KAZN: variants seen among roughly 807,000 people sequenced by gnomAD.
The protein encoded by KAZN is kazrin, periplakin interacting protein, also known as kazrin.
Under a neutral mutation model 87.4 loss-of-function variants are expected in KAZN, and 40 were observed. The ratio of observed to expected loss-of-function variants is 0.46; its 90% confidence interval spans 0.36 to 0.60. The LOEUF is 0.60. Ranked by LOEUF, KAZN falls within the 20% of genes least tolerant of loss-of-function variation. KAZN has a pLI of 0.00. For missense variants in KAZN, 898 were observed against 1,073.9 expected (o/e 0.84, Z 2.29); for synonymous variants, 466 against 458.3 (o/e 1.02, Z -0.22).
intron 1 of KAZN, among the ~76,000 whole-genome samples, chr1:14,863,126 T>C (rs919203077): frequency 3.3e-5 from 5 of 152,234 alleles, no homozygotes; most frequent in African/African-American, 1.2e-4. Flanking sequence ...GTGAGCTTGC[T>C]CTGGGGACTG....
chr1:14,018,214 GC>G (rs1299397640), intron 1 of KAZN, among the ~76,000 whole-genome samples: 1 of 152,130 alleles, frequency 6.6e-6, no homozygotes, highest in Admixed American at 6.6e-5. Flanking sequence ...CTAGTCCACT[GC>G]CTTTACACTC....
intron 1 of KAZN, among the ~76,000 whole-genome samples, chr1:14,937,961 T>A (rs1660639326): frequency 6.6e-6 from 1 of 152,202 alleles, no homozygotes; most frequent in African/African-American, 2.4e-5. Context: ...TTTGCCTTAC[T>A]CTGTGCTTGG....
At position 15,116,360 on chromosome 1, in the gene KAZN, C is replaced by T. The variant is rs1255923523; in HGVS notation, c.*1725C>T. 22 of 152,166 alleles carry T rather than the reference C, an allele frequency of 1.4e-4. 1 individual carries two copies. The highest frequency in any genetic ancestry group is 1.0e-3 in the Admixed American group (16 of 15,280). 9.4% of individuals were successfully genotyped at this position (152,166 alleles called of 1,614,324 possible). On this transcript the variant is annotated 3_prime_UTR_variant, in exon 15 of 15. Coordinates refer to ENST00000376030, the MANE Select transcript of KAZN (RefSeq NM_201628.3). The stretch of plus-strand genomic sequence containing the variant: ...ATTACACCTCTCTCATGCCGAAGAC[C>T]GTGGTGTTCCCCCTAATGACATAAA...
chr1:14,730,977 C>T (rs984189222), intron 1 of KAZN, among the ~76,000 whole-genome samples: 1 of 152,176 alleles, frequency 6.6e-6, no homozygotes, highest in East Asian at 1.9e-4. Flanking sequence ...AAGGCCCCAG[C>T]AAGTGACATC....
chr1:14,286,622 T>A lies in KAZN; in HGVS notation c.249+106030T>A, dbSNP rs191210068. Among the ~76,000 whole-genome samples the A allele has an allele frequency of 7.7e-4, 118 of 152,352 alleles. 1 individual carries two copies. The highest frequency in any genetic ancestry group is 5.7e-3 in the Admixed American group (87 of 15,294). On this transcript the variant is annotated intron_variant, in intron 2 of 16. Transcript: ENST00000636203. ...CATACTGTTAATACCATTAATTCAG[T>A]CTTAGAATTATGTATAAATAATTCC...
chr1:14,861,793 C>G (rs1650883440), intron 1 of KAZN, among the ~76,000 whole-genome samples: 3 of 152,144 alleles, frequency 2.0e-5, no homozygotes, highest in Admixed American at 1.3e-4. Context: ...GCATGCATAC[C>G]CATTGAACTT....
chr1:14,148,512 C>T (rs2101791428), intron 1 of KAZN, among the ~76,000 whole-genome samples: 1 of 152,120 alleles, frequency 6.6e-6, no homozygotes. Context: ...GCTACAGTAC[C>T]CCTTTCTTGT....
chr1:14,425,401 T>G (rs1309878185), intron 2 of KAZN, among the ~76,000 whole-genome samples: 1 of 152,180 alleles, frequency 6.6e-6, no homozygotes, highest in Non-Finnish European at 1.5e-5. Context: ...AGGTTCATTG[T>G]GAGTTCAAGA....
intron 1 of KAZN, among the ~76,000 whole-genome samples, chr1:14,029,292 A>G (rs1641218952): frequency 1.4e-5 from 1 of 71,782 alleles, no homozygotes; most frequent in Non-Finnish European, 2.8e-5. Context: ...GTGTCTGTTC[A>G]TGTCCTTCGC....
intron 1 of KAZN, among the ~76,000 whole-genome samples, chr1:14,657,363 G>C (rs542338616): frequency 1.3e-5 from 2 of 152,178 alleles, no homozygotes; most frequent in Admixed American, 6.5e-5. Flanking sequence ...GATTATAGGC[G>C]TGAGCCACCA....
At chr1:14,508,474 G>A (rs531172279) in intron 2 of KAZN, among the ~76,000 whole-genome samples, 3 of 152,148 alleles carry the variant, frequency 2.0e-5, no homozygotes, top group South Asian at 2.1e-4. Context: ...AATAAACTAC[G>A]GATGAATTTT....
Position 15,060,275 on chromosome 1 carries a change from T to C in KAZN, c.1020T>C (p.Pro340=), listed in dbSNP as rs1218225054. ...RSSTPSDINS[P]RHRTHSLCNG... is the part of the protein sequence containing the mutation. ...CCACACCGAGCGACATCAACTCCCC[T>C]CGACACCGGACACACTCCCTCTGCA... Residue 340 remains proline, a synonymous_variant, in exon 6 of 15, where the codon CCT becomes CCC. Coordinates refer to ENST00000376030, the MANE Select transcript of KAZN (RefSeq NM_201628.3). 6.2e-7 allele frequency: 1 copy of C among 1,614,012 alleles called. No homozygotes were observed.
intron 1 of KAZN, among the ~76,000 whole-genome samples, chr1:13,912,511 C>T (rs1639689519): frequency 6.6e-6 from 1 of 152,174 alleles, no homozygotes; most frequent in Non-Finnish European, 1.5e-5. Context: ...AGGGCAACAG[C>T]TCATGTTGAC....
chr1:14,314,098 G>T (rs1655485351), intron 2 of KAZN, among the ~76,000 whole-genome samples: 1 of 152,120 alleles, frequency 6.6e-6, no homozygotes, highest in Admixed American at 6.6e-5. Context: ...AAACACTTTA[G>T]CTCCCATGGG....
intron 2 of KAZN, among the ~76,000 whole-genome samples, chr1:14,496,881 C>G (rs1182369168): frequency 6.6e-6 from 1 of 152,050 alleles, no homozygotes; most frequent in African/African-American, 2.4e-5. Flanking sequence ...ACCCAGAAAC[C>G]AGGAAGCAGC....
At chr1:14,089,652 C>G (rs956492547) in intron 1 of KAZN, among the ~76,000 whole-genome samples, 1 of 152,128 alleles carries the variant, frequency 6.6e-6, no homozygotes, top group African/African-American at 2.4e-5. Flanking sequence ...GTTATTCATT[C>G]TTTACATAGC....
chr1:13,991,129 G>C (rs1353152693), intron 1 of KAZN, among the ~76,000 whole-genome samples: 3 of 152,134 alleles, frequency 2.0e-5, no homozygotes, highest in Non-Finnish European at 4.4e-5. Flanking sequence ...TTAACAGCCA[G>C]CTCTTGGTGG....
intron 1 of KAZN, among the ~76,000 whole-genome samples, chr1:14,630,780 C>G (rs1679504692): frequency 6.6e-6 from 1 of 152,142 alleles, no homozygotes; most frequent in African/African-American, 2.4e-5. Flanking sequence ...ATTCAAACTT[C>G]AGGTCTGCTG....
rs755558887 is a variant in KAZN, at chr1:13,977,605, T to C, written c.91+83849T>C. 1.1e-3 allele frequency among the ~76,000 whole-genome samples: 163 copies of C among 152,326 alleles called. 2 individuals are homozygous for C. The highest frequency in any genetic ancestry group is 1.9e-3 in the South Asian group (9 of 4,830). The stretch of plus-strand genomic sequence containing the variant: ...TTATTCATGTCAACTCCACTTTTTC[T>C]TCTGGTTTCTCTTTGCAGGGTATTG... On this transcript the variant is annotated intron_variant, in intron 1 of 16. Transcript: ENST00000636203.
Sources: gnomAD v4.1 joint callset for allele counts (sites outside exome capture counted in the v4.1 genomes callset) on GRCh38, gnomAD v4.1.1 for gene constraint, MANE v1.5 for transcripts, NCBI Gene and HGNC (gene_info 2026-07-23, HGNC 2026-07-21) for gene names.